The following GRM1 variants were observed in gnomAD, a reference collection of about 807,000 sequenced individuals.
GRM1 encodes the protein glutamate metabotropic receptor 1, also known as metabotropic glutamate receptor 1.
Under a neutral mutation model 90.9 loss-of-function variants are expected in GRM1, and 33 were observed. That is an observed-to-expected ratio of 0.36 (90% CI 0.28 to 0.49). The LOEUF (loss-of-function observed/expected upper bound fraction) is 0.49. Ranked by LOEUF, GRM1 falls within the 20% of genes least tolerant of loss-of-function variation. The probability of loss-of-function intolerance (pLI) is 0.99; values close to 1 mark genes in which losing one functional copy is unlikely to be tolerated. For synonymous variants in GRM1, 700 were observed against 613.2 expected, an observed-to-expected ratio of 1.14 and a Z score of -2.09; for missense variants, 1,190 against 1,534.3, an observed-to-expected ratio of 0.78 and a Z score of 3.75.
intron 3 of GRM1, among the ~76,000 whole-genome samples, chr6:146,327,669 C>G (rs972698512): frequency 2.4e-4 from 36 of 152,158 alleles, no homozygotes; most frequent in African/African-American, 8.7e-4. Flanking sequence ...TGAAGCTATG[C>G]AAGTTCCTCA....
intron 1 of GRM1, among the ~76,000 whole-genome samples, chr6:146,131,611 A>G (rs940449362): frequency 1.3e-5 from 2 of 152,188 alleles, no homozygotes; most frequent in Non-Finnish European, 2.9e-5. Context: ...GAGTTTGTCC[A>G]GCAGACTAAT....
intron 5 of GRM1, among the ~76,000 whole-genome samples, chr6:146,362,063 C>T (rs1775499847): frequency 6.6e-6 from 1 of 152,052 alleles, no homozygotes. Context: ...TTCTTTCTTC[C>T]CCTCTCTCCT....
chr6:146,222,411 G>A (rs1258167820), intron 2 of GRM1, among the ~76,000 whole-genome samples: 1 of 152,058 alleles, frequency 6.6e-6, no homozygotes, highest in Non-Finnish European at 1.5e-5. Context: ...TTGTGTGTCT[G>A]TGTGTGTATG....
Position 146,130,369 on chromosome 6 carries a change from A to C in GRM1, c.701-28979A>C, listed in dbSNP as rs975968200. Among the ~76,000 whole-genome samples the C allele has an allele frequency of 2.6e-5, 4 of 152,214 alleles. No homozygotes were observed. In the South Asian group the frequency reaches 8.3e-4, roughly 32 times the overall value. On this transcript the variant is annotated intron_variant, in intron 1 of 7. Transcript: ENST00000282753. ...AATTGTGTATTTCCTGAAAGTAAAT[A>C]ATGAAAATAAATTTCTTAAGAAAAA...
rs376313056 is a variant in GRM1 at position 146,357,703 on chromosome 6, C to T, written c.1602+9C>T. 6.2e-7 allele frequency: 1 copy of T among 1,610,358 alleles called. No individual in the cohort carries two copies. The highest frequency in any genetic ancestry group is 2.2e-5 in the East Asian group (1 of 44,814). Reference sequence around the variant, plus strand: ...TAAAGGGCCAGATTAAGGTAAGCCACAAATGCATTCTTGCATGGTATCTGT... The same window carrying T: ...TAAAGGGCCAGATTAAGGTAAGCCATAAATGCATTCTTGCATGGTATCTGT... On this transcript the variant is annotated intron_variant, in intron 5 of 7. Coordinates refer to ENST00000282753, the MANE Select transcript of GRM1 (RefSeq NM_001278064.2).
At chr6:146,331,341 G>A (rs1784582504) in intron 3 of GRM1, among the ~76,000 whole-genome samples, 1 of 152,092 alleles carries the variant, frequency 6.6e-6, no homozygotes, top group Non-Finnish European at 1.5e-5. Flanking sequence ...AGGGAAGAAA[G>A]AATAAATCTC....
At chr6:146,063,535 A>G (rs186736853) in intron 1 of GRM1, among the ~76,000 whole-genome samples, 1 of 152,096 alleles carries the variant, frequency 6.6e-6, no homozygotes, top group Non-Finnish European at 1.5e-5. Context: ...GAGATTTCTT[A>G]CTTTTATTTT....
intron 1 of GRM1, among the ~76,000 whole-genome samples, chr6:146,048,771 T>C (rs1034502542): frequency 3.9e-5 from 6 of 151,980 alleles, no homozygotes; most frequent in African/African-American, 1.4e-4. Flanking sequence ...ATTGGGGTGA[T>C]GCATCTGCAA....
intron 2 of GRM1, among the ~76,000 whole-genome samples, chr6:146,264,487 G>GA (rs1414268472): frequency 6.6e-6 from 1 of 151,666 alleles, no homozygotes; most frequent in Non-Finnish European, 1.5e-5. Context: ...CAGTGCAATT[G>GA]AAAATTAAGT....
chr6:146,223,117 C>T (rs1279316382), intron 2 of GRM1, among the ~76,000 whole-genome samples: 1 of 151,930 alleles, frequency 6.6e-6, no homozygotes, highest in Non-Finnish European at 1.5e-5. Flanking sequence ...TTACAGCTGG[C>T]TCTACTATGG....
intron 7 of GRM1, among the ~76,000 whole-genome samples, chr6:146,431,890 TGATGGGG>T (rs1467517085): frequency 6.6e-6 from 1 of 152,174 alleles, no homozygotes; most frequent in Admixed American, 6.5e-5. Flanking sequence ...TAGTGGTAGA[TGATGGGG>T]CAGTTGAAAA....
chr6:146,345,709 T>C (rs1290503195), intron 3 of GRM1, among the ~76,000 whole-genome samples: 1 of 151,602 alleles, frequency 6.6e-6, no homozygotes, highest in Non-Finnish European at 1.5e-5. Flanking sequence ...GCTATGAGCA[T>C]AGATCTGCCT....
intron 5 of GRM1, among the ~76,000 whole-genome samples, chr6:146,382,914 G>T (rs1417370787): frequency 6.6e-6 from 1 of 152,116 alleles, no homozygotes; most frequent in African/African-American, 2.4e-5. Context: ...CTTGGCAGCT[G>T]TGTGCATCTT....
chr6:146,353,959 A>C (rs1785495756), intron 4 of GRM1, among the ~76,000 whole-genome samples: 1 of 152,146 alleles, frequency 6.6e-6, no homozygotes, highest in African/African-American at 2.4e-5. Flanking sequence ...TCATTTCAGA[A>C]GTACTGTAAG....
chr6:146,136,593 C>T (rs577779424), intron 1 of GRM1, among the ~76,000 whole-genome samples: 67 of 152,180 alleles, frequency 4.4e-4, no homozygotes, highest in Non-Finnish European at 7.5e-4. Flanking sequence ...CTGTCTATTC[C>T]GATCTTTTGC....
intron 1 of GRM1, among the ~76,000 whole-genome samples, chr6:146,043,796 T>TATATATATATATATATATAGATAG (rs1554260527): frequency 1.4e-5 from 2 of 137,940 alleles, no homozygotes; most frequent in African/African-American, 5.2e-5. Context: ...TATATATATA[T>TATATATATATATATATATAGATAG]ATATATATAT....
intron 2 of GRM1, among the ~76,000 whole-genome samples, chr6:146,284,358 T>C (rs2114863846): frequency 6.6e-6 from 1 of 152,360 alleles, no homozygotes; most frequent in East Asian, 1.9e-4. Flanking sequence ...TTTTGTAATC[T>C]ACATACATAT....
chr6:146,362,667 A>C (rs868509454), intron 5 of GRM1, among the ~76,000 whole-genome samples: 20,380 of 137,472 alleles, frequency 0.15, 1,475 homozygotes, highest in African/African-American at 0.27. Context: ...TCCATCTCAA[A>C]AAAAAAAAAA....
At chr6:146,081,236 G>C (rs1156880633) in intron 1 of GRM1, among the ~76,000 whole-genome samples, 1 of 152,162 alleles carries the variant, frequency 6.6e-6, no homozygotes, top group Non-Finnish European at 1.5e-5. Context: ...GGGAAATATG[G>C]GGAAGGGTAT....
Sources: gnomAD v4.1 joint callset for allele counts (sites outside exome capture counted in the v4.1 genomes callset) on GRCh38, gnomAD v4.1.1 for gene constraint, MANE v1.5 for transcripts, NCBI Gene and HGNC (gene_info 2026-07-23, HGNC 2026-07-21) for gene names.